CAPZA1: variants seen among roughly 807,000 people sequenced by gnomAD.
CAPZA1 encodes the protein F-actin-capping protein subunit alpha-1.
Under a neutral mutation model 40.8 loss-of-function variants are expected in CAPZA1, and 10 were observed. The ratio of observed to expected loss-of-function variants is 0.25; its 90% CI spans 0.15 to 0.42. CAPZA1 has a LOEUF of 0.42. Among genes scored for constraint, CAPZA1 ranks in the 10% least tolerant of loss-of-function variants. The probability of loss-of-function intolerance (pLI) is 1.00; values close to 1 mark genes in which losing one functional copy is unlikely to be tolerated. For missense variants in CAPZA1, 277 were observed against 353.8 expected (o/e 0.78, Z 1.74); for synonymous variants, 98 against 115.0 (o/e 0.85, Z 0.95).
At chr1:112,656,058 A>G (rs765392410) in intron 5 of CAPZA1, among the ~76,000 whole-genome samples, 1 of 152,232 alleles carries the variant, frequency 6.6e-6, no homozygotes, top group Non-Finnish European at 1.5e-5. Flanking sequence ...TGAGCTAATA[A>G]CATGGATTTC....
At chr1:112,630,671 CATT>C in intron 1 of CAPZA1, among the ~76,000 whole-genome samples, 1 of 152,178 alleles carries the variant, frequency 6.6e-6, no homozygotes. Context: ...GACGAGACAT[CATT>C]GTGTCCCATG....
rs117866694 is a variant in CAPZA1 at position 112,628,506 on chromosome 1, A to C, written c.39+8623A>C. 8.5e-5 allele frequency among the ~76,000 whole-genome samples: 13 copies of C among 152,350 alleles called. No individual in the cohort carries two copies. The East Asian group carries it at 1.7e-3, about 20-fold the overall frequency. Reference sequence around the variant, plus strand: ...CAGGAACATGGGAAATCAAGTTAGAATGTTTTAATGGAGCATAGAATTAGA... The same window carrying C: ...CAGGAACATGGGAAATCAAGTTAGACTGTTTTAATGGAGCATAGAATTAGA... On this transcript the variant is annotated intron_variant, in intron 1 of 9. Transcript: ENST00000263168.
intron 1 of CAPZA1, among the ~76,000 whole-genome samples, chr1:112,631,554 G>A (rs1049211265): frequency 1.2e-4 from 19 of 152,100 alleles, no homozygotes; most frequent in Non-Finnish European, 2.2e-4. Context: ...TTAGAATGCC[G>A]TAACATGCCA....
rs563588369 is a variant in CAPZA1, at chr1:112,654,775, G to T, written c.426+104G>T. 2.2e-5 allele frequency: 15 copies of T among 690,610 alleles called. No homozygotes were observed. The South Asian group carries it at 3.7e-4, about 17-fold the overall frequency. The allele number at this position is 690,610 out of a possible 1,614,324, so 42.8% of individuals were successfully genotyped here. ...ACATCCCTACTTTCTTCTTAGCCAT[G>T]CTCTCTTCTCCTCTGCATTTTATTC... On this transcript the variant is annotated intron_variant, in intron 5 of 9. Coordinates refer to ENST00000263168, the MANE Select transcript of CAPZA1 (RefSeq NM_006135.3).
intron 1 of CAPZA1, among the ~76,000 whole-genome samples, chr1:112,634,477 T>C (rs1670979796): frequency 6.6e-6 from 1 of 152,164 alleles, no homozygotes; most frequent in Admixed American, 6.5e-5. Flanking sequence ...ATAAAGTGGC[T>C]AGGACCCAAA....
At chr1:112,620,071 C>T in intron 1 of CAPZA1, 188 bp downstream of exon 1, 1 of 548,540 alleles carries the variant, frequency 1.8e-6, no homozygotes, top group Non-Finnish European at 3.3e-6. Context: ...GGCCCCAGTT[C>T]CTCGTTCCTC....
chr1:112,649,681 T>A, intron 3 of CAPZA1: 1 of 547,578 alleles, frequency 1.8e-6, no homozygotes, highest in Non-Finnish European at 3.2e-6. Context: ...TGAACTAGTT[T>A]TTATTTCTGC....
chr1:112,626,502 C>T (rs1246657532), intron 1 of CAPZA1, among the ~76,000 whole-genome samples: 1 of 151,956 alleles, frequency 6.6e-6, no homozygotes, highest in African/African-American at 2.4e-5. Context: ...CCCTGTCTTC[C>T]ACCCACCCAG....
At chr1:112,649,869 TAACCATA>T (rs1418599915) in intron 3 of CAPZA1, 2 of 180,776 alleles carry the variant, frequency 1.1e-5, no homozygotes, top group Non-Finnish European at 2.3e-5. Flanking sequence ...TAGTTAAAAT[TAACCATA>T]AGATAAAAGC....
In CAPZA1 at chr1:112,656,932, C is replaced by T. The variant is rs1402146798; in HGVS notation, c.427-2090C>T. On this transcript the variant is annotated intron_variant, in intron 5 of 9. Transcript: ENST00000263168. Reference sequence around the variant, plus strand: ...TTTTTTTTTTTTTGAGACAGAGTCTCACTCTGTCTTCCAAGCTGGAGTGCA... The same window carrying T: ...TTTTTTTTTTTTTGAGACAGAGTCTTACTCTGTCTTCCAAGCTGGAGTGCA... Among the ~76,000 whole-genome samples, 3 of 146,754 alleles carry T rather than the reference C, an allele frequency of 2.0e-5. No homozygotes were observed. In the East Asian group the frequency reaches 5.9e-4, roughly 29 times the overall value.
At position 112,649,417 on chromosome 1, in the gene CAPZA1, G is replaced by A; in HGVS notation, c.104-1G>A. 6.2e-7 allele frequency: 1 copy of A among 1,611,730 alleles called. No homozygotes were observed. Among genetic ancestry groups the A allele is most frequent in the Non-Finnish European group, 8.5e-7 (1 of 1,178,364 alleles). ...AACATTGTAACATTTTTCCTCCTCA[G>A]ACGTTCGGCTACTACTTAATAATGA... On this transcript the variant is annotated splice_acceptor_variant, in intron 2 of 9. Transcript: ENST00000263168. LOFTEE classifies it high-confidence loss of function.
chr1:112,634,066 C>A, intron 1 of CAPZA1, among the ~76,000 whole-genome samples: 1 of 152,104 alleles, frequency 6.6e-6, no homozygotes, highest in East Asian at 1.9e-4. Context: ...TTCTCCTTTG[C>A]CATACAGAAG....
rs1253508775 is a variant in CAPZA1, at chr1:112,670,933, A to G, written c.*801A>G. On this transcript the variant is annotated 3_prime_UTR_variant, in exon 10 of 10. Coordinates refer to ENST00000263168, the MANE Select transcript of CAPZA1 (RefSeq NM_006135.3). ...CTGACGTACTGTGGATGTAGAGTAT[A>G]AAACTTGAAAAATGCAGATGTTGAA... 6.6e-6 allele frequency: 1 copy of G among 152,668 alleles called. No individual in the cohort carries two copies. Among genetic ancestry groups the G allele is most frequent in the East Asian group, 1.9e-4 (1 of 5,202 alleles). 9.5% of individuals were successfully genotyped at this position (152,668 alleles called of 1,614,324 possible).
intron 1 of CAPZA1, among the ~76,000 whole-genome samples, chr1:112,639,931 G>A (rs373744660): frequency 0.087 from 4,531 of 51,954 alleles, 9 homozygotes; most frequent in Middle Eastern, 0.22. Context: ...TCAGCCCCCC[G>A]CCCGGCCAGC....
rs372337838 is a variant in CAPZA1, at chr1:112,619,865, T to C, written c.21T>C (p.Arg7=). The part of the protein sequence containing the change: MADFDD[R]VSDEEKVRIA... ...CCAAGATGGCCGACTTCGATGATCG[T>C]GTGTCGGATGAGGAGAAGGTAAGGG... is the stretch of plus-strand genomic sequence containing the variant. The change falls in exon 1 of 10, where the codon CGT becomes CGC. Residue 7 remains arginine, a synonymous_variant. Coordinates refer to ENST00000263168, the MANE Select transcript of CAPZA1 (RefSeq NM_006135.3). 6.2e-6 allele frequency: 10 copies of C among 1,612,698 alleles called. No individual in the cohort carries two copies. The South Asian group carries it at 8.8e-5, about 14-fold the overall frequency.
chr1:112,630,069 G>T (rs1177491686), intron 1 of CAPZA1, among the ~76,000 whole-genome samples: 1 of 152,020 alleles, frequency 6.6e-6, no homozygotes, highest in East Asian at 1.9e-4. Context: ...TTGGGACAGG[G>T]TCTCACTCTG....
chr1:112,622,678 G>A (rs1670700212), intron 1 of CAPZA1, among the ~76,000 whole-genome samples: 1 of 152,158 alleles, frequency 6.6e-6, no homozygotes, highest in Non-Finnish European at 1.5e-5. Context: ...GAGAAGTCAT[G>A]CTTTCAGTTT....
intron 7 of CAPZA1, among the ~76,000 whole-genome samples, chr1:112,660,896 C>T (rs1439386256): frequency 8.6e-5 from 11 of 127,210 alleles, no homozygotes; most frequent in Admixed American, 9.8e-5. Context: ...CTCGCTCTGT[C>T]GCCCAGCCTG....
At position 112,634,110 on chromosome 1, in the gene CAPZA1, C is replaced by T. The variant is rs181559101; in HGVS notation, c.40-13100C>T. Among the ~76,000 whole-genome samples the T allele has an allele frequency of 1.6e-3, 247 of 152,206 alleles. 1 individual carries two copies. Among genetic ancestry groups the T allele is most frequent in the African/African-American group, 5.4e-3 (226 of 41,544 alleles). On this transcript the variant is annotated intron_variant, in intron 1 of 9. Coordinates refer to ENST00000263168, the MANE Select transcript of CAPZA1 (RefSeq NM_006135.3). ...TTTGATGCAACATCCGAAATATCTT[C>T]AAATGGGAAAAACTCCCTTAGGAAA...
Sources: allele counts gnomAD v4.1 joint callset (sites outside exome capture counted in the v4.1 genomes callset), GRCh38; gene constraint gnomAD v4.1.1; transcripts MANE v1.5; gene names NCBI Gene and HGNC (gene_info 2026-07-23, HGNC 2026-07-21).